TRMT9B: variants seen among roughly 807,000 people sequenced by gnomAD.
TRMT9B encodes tRNA methyltransferase 9B (putative), also known as probable tRNA methyltransferase 9B.
In TRMT9B, 16 loss-of-function variants were observed where a neutral mutation model predicts 11.5. The observed-to-expected ratio is 1.39, with a 90% confidence interval of 0.94 to 2.11. The LOEUF (loss-of-function observed/expected upper bound fraction) is 2.11. Among genes scored for constraint, TRMT9B ranks in the 30% most tolerant of loss-of-function variants. The pLI, the probability that TRMT9B is intolerant of heterozygous loss-of-function variation, is 0.00. For synonymous variants in TRMT9B, 274 were observed against 192.4 expected (o/e 1.42, Z -3.51); for missense variants, 941 against 553.8 (o/e 1.70, Z -7.02).
chr8:12,950,511 G>C (rs897267979), intron 1 of TRMT9B, among the ~76,000 whole-genome samples: 6 of 149,272 alleles, frequency 4.0e-5, no homozygotes, highest in Middle Eastern at 3.2e-3. Context: ...TTCAGCTCAA[G>C]AATACGTAAA....
At chr8:12,974,406 A>G (rs1373861959) in intron 1 of TRMT9B, among the ~76,000 whole-genome samples, 9 of 152,198 alleles carry the variant, frequency 5.9e-5, no homozygotes, top group Admixed American at 5.9e-4. Context: ...CGGGGAATCA[A>G]TTTCAGAAGT....
intron 2 of TRMT9B, among the ~76,000 whole-genome samples, chr8:13,005,069 C>G (rs1810192097): frequency 6.9e-6 from 1 of 144,516 alleles, no homozygotes; most frequent in African/African-American, 2.6e-5. Flanking sequence ...CTGGGCGATA[C>G]AGCGAGACTG....
In TRMT9B at chr8:12,973,821, C is replaced by T. The variant is rs114197483; in HGVS notation, c.-199-17013C>T. 1.3e-3 allele frequency among the ~76,000 whole-genome samples: 201 copies of T among 152,220 alleles called. 1 individual carries two copies. Among genetic ancestry groups the T allele is most frequent in the African/African-American group, 4.6e-3 (191 of 41,558 alleles). ...AATGAGAACAGCCTTTAGTTCCCAC[C>T]GTGCCCAGAGATCACTGAACTCAGT... On this transcript the variant is annotated intron_variant, in intron 1 of 4. Transcript: ENST00000524591.
chr8:13,021,349 A>C lies in TRMT9B; in HGVS notation c.670A>C (p.Thr224Pro), dbSNP rs1350757837. 7 of 1,613,894 alleles carry C rather than the reference A, an allele frequency of 4.3e-6. No individual in the cohort carries two copies. The African/African-American group carries it at 9.3e-5, about 22-fold the overall frequency. The change falls in exon 5 of 5, where the codon ACC becomes CCC. Residue 224 changes from threonine to proline, a missense_variant. By Grantham distance (38) the Thr-to-Pro change is conservative. Transcript: ENST00000524591. ...SVGYEPAMAR[T>P]CFANISKEGE... is the part of the protein sequence containing the mutation. ...GGGCTATGAACCTGCTATGGCAAGA[A>C]CCTGTTTTGCAAATATTTCTAAGGA...
intron 2 of TRMT9B, among the ~76,000 whole-genome samples, chr8:13,000,426 G>T (rs1380598418): frequency 1.3e-5 from 2 of 152,134 alleles, no homozygotes; most frequent in Admixed American, 1.3e-4. Flanking sequence ...TTAGTTTTCT[G>T]TCACTTTCTG....
At chr8:13,012,585 A>G in intron 3 of TRMT9B, 99 bp from the exon 4 acceptor site, 2 of 1,410,108 alleles carry the variant, frequency 1.4e-6, no homozygotes, top group Admixed American at 4.7e-5. Flanking sequence ...AAAATAAATA[A>G]ATAAATAAAA....
intron 2 of TRMT9B, among the ~76,000 whole-genome samples, chr8:12,999,298 C>CAAAAAAAAAAAAAAAAA (rs71207111): frequency 8.4e-5 from 4 of 47,590 alleles, no homozygotes; most frequent in Admixed American, 2.5e-4. Flanking sequence ...GACTCCATCT[C>CAAAAAAAAAAAAAAAAA]AAAAAAAAAA....
Position 13,028,743 on chromosome 8 carries a change from T to C in TRMT9B, c.*6699T>C, listed in dbSNP as rs1815022053. On this transcript the variant is annotated 3_prime_UTR_variant, in exon 5 of 5. Transcript: ENST00000524591. ...GGAACATGCCACCACTCCTGGCTAA[T>C]TTTTGTATTTTTTTTTAAGTAAAGA... The C allele has an allele frequency of 6.3e-6, 1 of 158,750 alleles. No individual in the cohort carries two copies. Among genetic ancestry groups the C allele is most frequent in the Non-Finnish European group, 1.5e-5 (1 of 68,056 alleles). The allele number at this position is 158,750 out of a possible 1,614,324, so 9.8% of individuals were successfully genotyped here.
chr8:12,956,385 G>C (rs1248087584), intron 1 of TRMT9B, among the ~76,000 whole-genome samples: 1 of 152,168 alleles, frequency 6.6e-6, no homozygotes, highest in Non-Finnish European at 1.5e-5. Flanking sequence ...TTTTCAAACA[G>C]ATGGATGTTA....
At chr8:12,993,090 G>C (rs1420960237) in intron 2 of TRMT9B, among the ~76,000 whole-genome samples, 1 of 152,146 alleles carries the variant, frequency 6.6e-6, no homozygotes, top group Non-Finnish European at 1.5e-5. Flanking sequence ...GGGAAAAAGT[G>C]AGTAGATTTG....
At chr8:12,952,715 G>A in intron 1 of TRMT9B, 2 of 980,024 alleles carry the variant, frequency 2.0e-6, no homozygotes, top group Non-Finnish European at 2.4e-6. Flanking sequence ...GTAAGGATTT[G>A]TATGATATTA....
At chr8:12,979,826 T>A (rs1160985435) in intron 1 of TRMT9B, among the ~76,000 whole-genome samples, 1 of 152,168 alleles carries the variant, frequency 6.6e-6, no homozygotes, top group East Asian at 1.9e-4. Flanking sequence ...GAATTCTGGA[T>A]ATCTTAAGCA....
intron 2 of TRMT9B, among the ~76,000 whole-genome samples, chr8:13,000,932 C>G (rs1481935229): frequency 1.3e-5 from 2 of 152,072 alleles, no homozygotes; most frequent in East Asian, 3.9e-4. Flanking sequence ...GGACGCAAGG[C>G]TGGTACTGTA....
intron 1 of TRMT9B, among the ~76,000 whole-genome samples, chr8:12,962,544 G>A (rs1011946911): frequency 6.6e-6 from 1 of 152,072 alleles, no homozygotes; most frequent in African/African-American, 2.4e-5. Context: ...AGGCTGGAGT[G>A]CAGTGGTGTG....
chr8:12,958,244 A>G (rs1801572495), intron 1 of TRMT9B: 1 of 152,194 alleles, frequency 6.6e-6, no homozygotes, highest in African/African-American at 2.4e-5. Context: ...GTTCGGATAC[A>G]TGGCTTGCCT....
intron 2 of TRMT9B, among the ~76,000 whole-genome samples, chr8:12,997,995 C>G (rs1808684103): frequency 6.6e-6 from 1 of 152,160 alleles, no homozygotes; most frequent in Non-Finnish European, 1.5e-5. Flanking sequence ...TTCCCTGATA[C>G]TAGTGAAGTT....
chr8:13,011,484 T>G, intron 3 of TRMT9B: 2 of 981,872 alleles, frequency 2.0e-6, no homozygotes, highest in Non-Finnish European at 2.4e-6. Flanking sequence ...ATTTCATCAG[T>G]AATGCCAATA....
intron 1 of TRMT9B, among the ~76,000 whole-genome samples, chr8:12,982,907 T>G (rs1371637345): frequency 1.3e-5 from 2 of 152,180 alleles, no homozygotes; most frequent in Non-Finnish European, 2.9e-5. Context: ...CCTCTTCGGA[T>G]GCTATCTATG....
intron 1 of TRMT9B, chr8:12,970,007 T>A (rs1312829984): frequency 3.3e-5 from 5 of 152,112 alleles, no homozygotes; most frequent in Non-Finnish European, 7.4e-5. Flanking sequence ...TTGGTCAGAT[T>A]GGTCCGTGTG....
Sources: allele counts gnomAD v4.1 joint callset (sites outside exome capture counted in the v4.1 genomes callset), GRCh38; gene constraint gnomAD v4.1.1; transcripts MANE v1.5; gene names NCBI Gene and HGNC (gene_info 2026-07-23, HGNC 2026-07-21).